Variants in TREM1 observed in about 807,000 individuals in gnomAD.
TREM1 encodes triggering receptor expressed on monocytes 1.
A neutral mutation model predicts 22.4 loss-of-function variants in TREM1; 16 were observed. The observed-to-expected ratio is 0.71, with a 90% CI of 0.48 to 1.08. The LOEUF is 1.08. Ranked by LOEUF, TREM1 falls within the 50% of genes least tolerant of loss-of-function variation. TREM1 has a pLI of 0.00. For missense variants in TREM1, 283 were observed against 282.9 expected (o/e 1.00, Z 0.00); for synonymous variants, 110 against 111.6 (o/e 0.99, Z 0.09).
In TREM1 at chr6:41,273,994, G is replaced by A. The variant is rs930835754; in HGVS notation, c.*2131C>T. 1.7e-4 allele frequency among the ~76,000 whole-genome samples: 26 copies of A among 152,240 alleles called. No homozygotes were observed. The highest frequency in any genetic ancestry group is 6.0e-4 in the African/African-American group (25 of 41,460). ...TCCCAGGCAGGATGGGGAGGATGGA[G>A]CATGGCGTGGCCTGTAAGTGCAAAT... is the stretch of plus-strand genomic sequence containing the variant. On this transcript the variant is annotated 3_prime_UTR_variant, in exon 4 of 4. Transcript: ENST00000244709.
chr6:41,282,344 G>T lies in TREM1; in HGVS notation c.406+51C>A, dbSNP rs555867552. 7.8e-6 allele frequency: 11 copies of T among 1,418,548 alleles called. No individual in the cohort carries two copies. The East Asian group carries it at 2.5e-4, about 32-fold the overall frequency. The allele number at this position is 1,418,548 out of a possible 1,614,324, so 87.9% of individuals were successfully genotyped here. A position where few individuals can be genotyped will look rare whatever the true frequency, so the allele number is the denominator to read the frequency against. On this transcript the variant is annotated intron_variant, in intron 2 of 3. Transcript: ENST00000244709. ...CAGCTCTGCTGATGCTACCACCACT[G>T]CCCCTTTCCTCACCTGGCCCTTCTT...
chr6:41,279,447 G>T, intron 3 of TREM1: 1 of 892,476 alleles, frequency 1.1e-6, no homozygotes, highest in Non-Finnish European at 1.3e-6. Context: ...CCCTCCTTCC[G>T]GTAAAAGTAA....
In TREM1 at chr6:41,280,290, CTAAG is replaced by C. The variant is rs2113984931; in HGVS notation, c.599+667_599+670del. The C allele has an allele frequency of 4.1e-6, 4 of 982,612 alleles. No individual in the cohort carries two copies. In the South Asian group the frequency reaches 1.9e-4, roughly 46 times the overall value. 60.9% of individuals were successfully genotyped at this position (982,612 alleles called of 1,614,324 possible). On this transcript the variant is annotated intron_variant, in intron 3 of 3. Transcript: ENST00000244709. The stretch of plus-strand genomic sequence containing the variant: ...ATAACTGTAAAGAGGTGTGAAATTG[CTAAG>C]TTAGTGGTTCTTAAGTTTGCCTACA...
chr6:41,282,613 A>T lies in TREM1; in HGVS notation c.188T>A (p.Met63Lys). The T allele has an allele frequency of 6.2e-7, 1 of 1,614,166 alleles. No homozygotes were observed. The highest frequency in any genetic ancestry group is 8.5e-7 in the Non-Finnish European group (1 of 1,180,020). ...CTCTGTGCATGCCAGGGTCTTGGGCATCTCTCCGTCCCTTATTATCTGCCA... is the reference window on the plus strand; with the variant it reads ...CTCTGTGCATGCCAGGGTCTTGGGCTTCTCTCCGTCCCTTATTATCTGCCA... ...KAWQIIRDGE[M>K]PKTLACTERP... The change falls in exon 2 of 4, where the codon ATG (methionine) becomes AAG (lysine). Residue 63 changes from methionine to lysine, a missense_variant. Met to Lys is a moderately conservative substitution (Grantham distance 95). Coordinates refer to ENST00000244709, the MANE Select transcript of TREM1 (RefSeq NM_018643.5).
chr6:41,271,383 C>T (rs991999091), downstream of TREM1, among the ~76,000 whole-genome samples: 5 of 152,174 alleles, frequency 3.3e-5, no homozygotes, highest in African/African-American at 9.7e-5. Flanking sequence ...AGGTCACATA[C>T]ATAGAGTGTG....
downstream of TREM1, among the ~76,000 whole-genome samples, chr6:41,270,997 C>T (rs1767466575): frequency 6.6e-6 from 1 of 152,214 alleles, no homozygotes; most frequent in African/African-American, 2.4e-5. Flanking sequence ...CGAGCCATAG[C>T]ACTTGGCCTC....
At chr6:41,272,338 A>G (rs1581621474), downstream of TREM1, among the ~76,000 whole-genome samples, 1 of 151,946 alleles carries the variant, frequency 6.6e-6, no homozygotes, top group East Asian at 1.9e-4. Flanking sequence ...CTCATCACTG[A>G]CCACTGACCC....
In TREM1 at chr6:41,281,059, G is replaced by T; in HGVS notation, c.501C>A (p.Thr167=). ...GAGCTTGGGTCACAGTTCTGGGGCT[G>T]GTATAGAGTGGGCACAAGGCCTTAG... ...TTTKALCPLY[T]SPRTVTQAPP... The change falls in exon 3 of 4, where the codon ACC becomes ACA. Residue 167 remains threonine, a synonymous_variant. Coordinates refer to ENST00000244709, the MANE Select transcript of TREM1 (RefSeq NM_018643.5). 6.2e-7 allele frequency: 1 copy of T among 1,614,202 alleles called. No homozygotes were observed. The highest frequency in any genetic ancestry group is 8.5e-7 in the Non-Finnish European group (1 of 1,180,048).
At chr6:41,272,168 A>G (rs4714448), downstream of TREM1, among the ~76,000 whole-genome samples, 38,763 of 152,062 alleles carry the variant, frequency 0.25, 5,156 homozygotes, top group African/African-American at 0.32. Flanking sequence ...AGAAAAAGAG[A>G]GGCAGGCTGG....
intron 3 of TREM1, chr6:41,280,411 G>A: frequency 1.0e-6 from 1 of 990,622 alleles, no homozygotes; most frequent in Non-Finnish European, 1.2e-6. Context: ...TTGGGCACAT[G>A]CAACAATGTT....
intron 3 of TREM1, 111 bp from the exon 4 acceptor site, chr6:41,276,341 T>C: frequency 1.3e-6 from 1 of 769,940 alleles, no homozygotes; most frequent in Admixed American, 2.1e-5. Context: ...AGATCCTTGC[T>C]CCACCTTTCC....
chr6:41,277,892 C>G, intron 3 of TREM1, among the ~76,000 whole-genome samples: 1 of 147,450 alleles, frequency 6.8e-6, no homozygotes, highest in South Asian at 2.2e-4. Context: ...CTTCCTAAAA[C>G]ATTTTTCTTT....
intron 3 of TREM1, chr6:41,280,612 A>G: frequency 1.5e-6 from 2 of 1,302,002 alleles, no homozygotes; most frequent in Non-Finnish European, 2.0e-6. Flanking sequence ...GGCCAACACT[A>G]GATCCAGGGC....
At chr6:41,283,194 A>G (rs1366249133) in intron 1 of TREM1, among the ~76,000 whole-genome samples, 1 of 152,240 alleles carries the variant, frequency 6.6e-6, no homozygotes, top group African/African-American at 2.4e-5. Flanking sequence ...AACTTCATCT[A>G]AGTCAGGGCA....
At chr6:41,267,915 A>G, downstream of TREM1, 1 of 398,652 alleles carries the variant, frequency 2.5e-6, no homozygotes, top group South Asian at 1.3e-4. Context: ...TTGTTTGCTT[A>G]CAGTTGACCT....
intron 2 of TREM1, chr6:41,281,411 G>A: frequency 2.0e-6 from 1 of 488,078 alleles, no homozygotes; most frequent in Non-Finnish European, 3.6e-6. Context: ...AGGGCAGGAA[G>A]TGAGGGAGAG....
At chr6:41,272,854 C>T (rs1351237593), downstream of TREM1, among the ~76,000 whole-genome samples, 1 of 152,188 alleles carries the variant, frequency 6.6e-6, no homozygotes, top group African/African-American at 2.4e-5. Flanking sequence ...TCCTTGGATC[C>T]TGTCAACATT....
chr6:41,272,757 G>A (rs1328085768), downstream of TREM1, among the ~76,000 whole-genome samples: 2 of 152,140 alleles, frequency 1.3e-5, no homozygotes, highest in African/African-American at 4.8e-5. Flanking sequence ...TCCAGGCACA[G>A]GCATGGAGAC....
At position 41,282,489 on chromosome 6, in the gene TREM1, T is replaced by C. The variant is rs1767965698; in HGVS notation, c.312A>G (p.Gln104=). The C allele has an allele frequency of 1.9e-6, 3 of 1,614,060 alleles. No individual in the cohort carries two copies. Among genetic ancestry groups the C allele is most frequent in the Non-Finnish European group, 2.5e-6 (3 of 1,180,042 alleles). ...ACTGATACAGTCCAGAATCTTCCAC[T>C]TGAAGGTTGACCATTCGGACGCGCA... ...GLLRVRMVNL[Q]VEDSGLYQCV... Residue 104 remains glutamine, a synonymous_variant, in exon 2 of 4, where the codon CAA becomes CAG. Transcript: ENST00000244709.
Sources: allele counts gnomAD v4.1 joint callset (sites outside exome capture counted in the v4.1 genomes callset), GRCh38; gene constraint gnomAD v4.1.1; transcripts MANE v1.5; gene names NCBI Gene and HGNC (gene_info 2026-07-23, HGNC 2026-07-21).